Variants in ANAPC10 observed in about 807,000 individuals in gnomAD.
The protein encoded by ANAPC10 is anaphase promoting complex subunit 10, also known as anaphase-promoting complex subunit 10.
In ANAPC10, 12 loss-of-function variants were observed where a neutral mutation model predicts 22.0. That is an observed-to-expected ratio of 0.55 (90% CI 0.35 to 0.88). The LOEUF (loss-of-function observed/expected upper bound fraction) is 0.88. Among genes scored for constraint, ANAPC10 ranks in the 40% least tolerant of loss-of-function variants. The pLI is 0.01. For missense variants in ANAPC10, 188 were observed against 220.9 expected (o/e 0.85, Z 0.94); for synonymous variants, 65 against 69.5 (o/e 0.94, Z 0.32).
At chr4:144,998,821 T>C (rs1732043125) in intron 4 of ANAPC10, among the ~76,000 whole-genome samples, 1 of 152,026 alleles carries the variant, frequency 6.6e-6, no homozygotes, top group Non-Finnish European at 1.5e-5. Context: ...AATCAATGAA[T>C]ACAGGAGCTG....
At chr4:145,034,228 G>T (rs925214554) in intron 4 of ANAPC10, among the ~76,000 whole-genome samples, 1 of 152,112 alleles carries the variant, frequency 6.6e-6, no homozygotes, top group African/African-American at 2.4e-5. Context: ...GTTACCAAAA[G>T]AGATTAACAT....
At position 145,057,625 on chromosome 4, in the gene ANAPC10, C is replaced by T. The variant is rs574849237; in HGVS notation, c.327+6947G>A. Among the ~76,000 whole-genome samples the T allele has an allele frequency of 3.3e-5, 5 of 152,220 alleles. No individual in the cohort carries two copies. The South Asian group carries it at 1.0e-3, about 32-fold the overall frequency. ...CTTAGGTTCAGATCCATATACCATA[C>T]CCTACTATCCATGGACTACCTACTG... On this transcript the variant is annotated intron_variant, in intron 4 of 4. Coordinates refer to ENST00000507656, the MANE Select transcript of ANAPC10 (RefSeq NM_001256706.2).
chr4:145,091,100 T>A (rs1284896437), intron 2 of ANAPC10, among the ~76,000 whole-genome samples: 4 of 152,236 alleles, frequency 2.6e-5, no homozygotes, highest in Non-Finnish European at 5.9e-5. Flanking sequence ...GTAAGACATA[T>A]GACATTGCAC....
chr4:145,016,420 G>A (rs572762217), intron 4 of ANAPC10, among the ~76,000 whole-genome samples: 4 of 152,280 alleles, frequency 2.6e-5, no homozygotes, highest in South Asian at 2.1e-4. Flanking sequence ...CAAGGGATGT[G>A]AAGGACCTCT....
At chr4:145,086,843 C>A (rs1746973868) in intron 2 of ANAPC10, among the ~76,000 whole-genome samples, 2 of 151,270 alleles carry the variant, frequency 1.3e-5, no homozygotes, top group South Asian at 4.2e-4. Context: ...GTAAAAGCAT[C>A]CCCTGGTGAG....
intron 2 of ANAPC10, among the ~76,000 whole-genome samples, chr4:145,088,957 C>G (rs562680509): frequency 6.6e-5 from 10 of 152,186 alleles, no homozygotes; most frequent in Admixed American, 2.0e-4. Flanking sequence ...GCCAAATCAA[C>G]TAACTTAGAG....
chr4:145,021,894 T>A (rs1321326684), intron 4 of ANAPC10, among the ~76,000 whole-genome samples: 2 of 152,064 alleles, frequency 1.3e-5, no homozygotes, highest in Admixed American at 1.3e-4. Context: ...GATATACAAA[T>A]GGCCAACAAA....
At chr4:145,095,389 C>A (rs191475178) in intron 2 of ANAPC10, among the ~76,000 whole-genome samples, 1 of 151,898 alleles carries the variant, frequency 6.6e-6, no homozygotes, top group Admixed American at 6.6e-5. Flanking sequence ...GCACATCCAC[C>A]ACTTTGTCCA....
At position 145,096,012 on chromosome 4, in the gene ANAPC10, C is replaced by T; in HGVS notation, c.88G>A (p.Val30Ile). Reference sequence around the variant, plus strand: ...GGTTTGCAAGATGAGAGTGACCAAACAGCTTGTGACCCAATTTCCCGTACT... The same window carrying T: ...GGTTTGCAAGATGAGAGTGACCAAATAGCTTGTGACCCAATTTCCCGTACT... ...GTVREIGSQA[V>I]WSLSSCKPGF... The change falls in exon 2 of 5, where the codon GTT becomes ATT. Residue 30 changes from valine (V) to isoleucine (I), a missense_variant. By Grantham distance (29) the Val-to-Ile change is conservative. Coordinates refer to ENST00000507656, the MANE Select transcript of ANAPC10 (RefSeq NM_001256706.2). The T allele has an allele frequency of 6.2e-7, 1 of 1,614,080 alleles. No homozygotes were observed.
At chr4:145,081,202 G>A (rs1378612938) in intron 3 of ANAPC10, among the ~76,000 whole-genome samples, 7 of 145,044 alleles carry the variant, frequency 4.8e-5, no homozygotes, top group Admixed American at 6.9e-5. Flanking sequence ...TATCAAAAAG[G>A]AAAATGTCCT....
At chr4:145,029,894 A>G (rs1285194274) in intron 4 of ANAPC10, among the ~76,000 whole-genome samples, 15 of 152,132 alleles carry the variant, frequency 9.9e-5, no homozygotes, top group Admixed American at 9.8e-4. Context: ...CCATTTTTGA[A>G]GAGCCCTATA....
intron 4 of ANAPC10, chr4:145,033,020 T>C (rs754231259): frequency 1.3e-5 from 2 of 152,230 alleles, no homozygotes; most frequent in Non-Finnish European, 2.9e-5. Context: ...GGGCACATGC[T>C]CATGGAATTC....
chr4:145,038,821 CAAAAAAAAAAA>C (rs140379083), intron 4 of ANAPC10, among the ~76,000 whole-genome samples: 1 of 19,210 alleles, frequency 5.2e-5, no homozygotes, highest in Admixed American at 5.4e-4. Context: ...GACTCTGTCT[CAAAAAAAAAAA>C]AAAAAAAAAA....
chr4:145,070,838 TACA>T (rs1744387122), intron 3 of ANAPC10, among the ~76,000 whole-genome samples: 2 of 152,314 alleles, frequency 1.3e-5, no homozygotes, highest in South Asian at 4.1e-4. Flanking sequence ...TGACACATGC[TACA>T]ACATGAATGA....
intron 4 of ANAPC10, among the ~76,000 whole-genome samples, chr4:145,008,371 C>G (rs1168493249): frequency 1.3e-5 from 2 of 152,100 alleles, no homozygotes; most frequent in Non-Finnish European, 1.5e-5. Flanking sequence ...AAGTCTGGCA[C>G]AGACACAACA....
chr4:145,063,234 G>GTA (rs1743172708), intron 4 of ANAPC10, among the ~76,000 whole-genome samples: 1 of 152,054 alleles, frequency 6.6e-6, no homozygotes, highest in African/African-American at 2.4e-5. Context: ...ATTCTACAAA[G>GTA]TATATATATT....
intron 4 of ANAPC10, among the ~76,000 whole-genome samples, chr4:145,010,364 A>G (rs571479801): frequency 4.3e-4 from 65 of 152,338 alleles, no homozygotes; most frequent in African/African-American, 1.4e-3. Flanking sequence ...CTATAAAGAC[A>G]CACGCACACT....
At chr4:145,088,784 T>C (rs1747256794) in intron 2 of ANAPC10, among the ~76,000 whole-genome samples, 1 of 152,216 alleles carries the variant, frequency 6.6e-6, no homozygotes, top group Admixed American at 6.5e-5. Context: ...ACACCTCCAG[T>C]GGTTTCCCTT....
chr4:145,059,176 T>C (rs538612660), intron 4 of ANAPC10, among the ~76,000 whole-genome samples: 36 of 152,094 alleles, frequency 2.4e-4, no homozygotes, highest in Non-Finnish European at 4.7e-4. Flanking sequence ...GATCAACAAA[T>C]AGAGCCAGAA....
Sources: allele counts gnomAD v4.1 joint callset (sites outside exome capture counted in the v4.1 genomes callset), GRCh38; gene constraint gnomAD v4.1.1; transcripts MANE v1.5; gene names NCBI Gene and HGNC (gene_info 2026-07-23, HGNC 2026-07-21).